The following ZFHX2 variants were observed in gnomAD, a reference collection of about 807,000 sequenced individuals.
ZFHX2 encodes the protein zinc finger homeobox protein 2.
ZFHX2 carries 75 observed loss-of-function variants against 164.8 expected under a neutral mutation model. The ratio of observed to expected loss-of-function variants is 0.46; its 90% confidence interval spans 0.38 to 0.55. ZFHX2 has a LOEUF of 0.55. Among genes scored for constraint, ZFHX2 ranks in the 20% least tolerant of loss-of-function variants. The pLI, the probability that ZFHX2 is intolerant of heterozygous loss-of-function variation, is 0.00. For missense variants in ZFHX2, 2,933 were observed against 3,308.0 expected, an observed-to-expected ratio of 0.89 and a Z score of 2.78; for synonymous variants, 1,217 against 1,351.4, an observed-to-expected ratio of 0.90 and a Z score of 2.18.
At chr14:23,550,791 AAACG>A (rs1325582953) in intron 1 of ZFHX2, among the ~76,000 whole-genome samples, 2 of 152,108 alleles carry the variant, frequency 1.3e-5, no homozygotes, top group Non-Finnish European at 2.9e-5. Flanking sequence ...CTTCAGCCAA[AAACG>A]AACGAAGACT....
chr14:23,521,864 A>G lies in ZFHX2; in HGVS notation c.*98T>C. 6.7e-7 allele frequency: 1 copy of G among 1,486,024 alleles called. No individual in the cohort carries two copies. Among genetic ancestry groups the G allele is most frequent in the South Asian group, 1.3e-5 (1 of 75,354 alleles). 92.1% of individuals were successfully genotyped at this position (1,486,024 alleles called of 1,614,324 possible). On this transcript the variant is annotated 3_prime_UTR_variant, in exon 10 of 10. Coordinates refer to ENST00000419474, the MANE Select transcript of ZFHX2 (RefSeq NM_033400.3). ...CAGTTCCTGTGAGGTGGGCGGGGCC[A>G]GGGGGTGGGGTGAGGGATTTGAGCT...
At chr14:23,538,591 T>A (rs1488435873) in intron 1 of ZFHX2, among the ~76,000 whole-genome samples, 3 of 151,938 alleles carry the variant, frequency 2.0e-5, no homozygotes, top group Non-Finnish European at 4.4e-5. Flanking sequence ...CTCAGACCCA[T>A]CGCCATTCTT....
Position 23,522,722 on chromosome 14 carries a change from G to T in ZFHX2, c.6959C>A (p.Thr2320Asn). ...CTTGAGGGCATCATTGGAGGAGCTGGTGGGGCCTGCAACTGGCTTTCGCTC... is the reference window on the plus strand; with the variant it reads ...CTTGAGGGCATCATTGGAGGAGCTGTTGGGGCCTGCAACTGGCTTTCGCTC... ...SSERKPVAGP[T>N]SSSNDALKNL... Residue 2320 changes from threonine to asparagine, a missense_variant, in exon 10 of 10, where the codon ACC (threonine) becomes AAC (asparagine). Thr to Asn is a moderately conservative substitution (Grantham distance 65, BLOSUM62 0). Transcript: ENST00000419474. 6.5e-7 allele frequency: 1 copy of T among 1,536,618 alleles called. No homozygotes were observed. The highest frequency in any genetic ancestry group is 8.7e-7 in the Non-Finnish European group (1 of 1,146,956).
At chr14:23,543,668 G>C (rs904103143) in intron 1 of ZFHX2, 47 of 152,384 alleles carry the variant, frequency 3.1e-4, no homozygotes, top group Non-Finnish European at 3.8e-4. Context: ...CGGGAGGGAG[G>C]GAGTGGGAAC....
Position 23,533,385 on chromosome 14 carries a change from C to T in ZFHX2, c.1941G>A (p.Leu647=). Residue 647 remains leucine (L), a synonymous_variant, in exon 2 of 10, where the codon TTG becomes TTA. Coordinates refer to ENST00000419474, the MANE Select transcript of ZFHX2 (RefSeq NM_033400.3). The surrounding 1 kb of genome is among the most constrained non-coding windows in gnomAD (Gnocchi z 4.8). ...PQALGQPQTP[L]AGPGLRPDKP... ...TGTCTGGCCTCAGCCCCGGGCCAGC[C>T]AAGGGAGTCTGAGGCTGCCCTAGGG... The T allele has an allele frequency of 6.8e-7, 1 of 1,470,266 alleles. No individual in the cohort carries two copies. The highest frequency in any genetic ancestry group is 9.0e-7 in the Non-Finnish European group (1 of 1,113,762). The allele number at this position is 1,470,266 out of a possible 1,614,324, so 91.1% of individuals were successfully genotyped here.
In ZFHX2 at chr14:23,526,599, G is replaced by A; in HGVS notation, c.3343C>T (p.Pro1115Ser). The change falls in exon 9 of 10, where the codon CCC (proline) becomes TCC (serine). Residue 1115 changes from proline (P) to serine (S), a missense_variant. By Grantham distance (74) the Pro-to-Ser change is moderately conservative (BLOSUM62 -1). Transcript: ENST00000419474. ...GGGGGTTGGCCAGGGCTTCCTGAGG[G>A]TTTGTCTGGGACCTCAACTGAGGCC... The part of the protein sequence containing the change: ...PLASVEVPDK[P>S]SGSPGQPPSP... 9 of 1,535,920 alleles carry A rather than the reference G, an allele frequency of 5.9e-6. No homozygotes were observed. The highest frequency in any genetic ancestry group is 7.8e-6 in the Non-Finnish European group (9 of 1,146,830).
In ZFHX2 at chr14:23,523,843, T is replaced by G. The variant is rs1878362524; in HGVS notation, c.6099A>C (p.Ser2033=). The G allele has an allele frequency of 6.5e-6, 10 of 1,536,070 alleles. No individual in the cohort carries two copies. In the South Asian group the frequency reaches 9.5e-5, roughly 15 times the overall value. ...CSLSAGDLSD[S]SASSLAEPES... ...CTGGTTCAGCTAGGCTGGAAGCAGA[T>G]GAATCACTCAGATCTCCTGCAGAGA... The change falls in exon 9 of 10, where the codon TCA becomes TCC. Residue 2033 remains serine, a synonymous_variant. Transcript: ENST00000419474. This position sits in a 1 kb window ranked among gnomAD's most constrained non-coding sequence, Gnocchi z 4.1.
At chr14:23,550,492 C>T (rs1375693349) in intron 1 of ZFHX2, among the ~76,000 whole-genome samples, 1 of 152,134 alleles carries the variant, frequency 6.6e-6, no homozygotes, top group East Asian at 1.9e-4. Flanking sequence ...TGGGAAGGGT[C>T]ACAAGTGGAG....
At position 23,522,971 on chromosome 14, in the gene ZFHX2, T is replaced by C. The variant is rs374126471; in HGVS notation, c.6740-30A>G. 1.0e-5 allele frequency: 15 copies of C among 1,432,990 alleles called. No homozygotes were observed. In the African/African-American group the frequency reaches 1.9e-4, roughly 18 times the overall value. The allele number at this position is 1,432,990 out of a possible 1,614,324, so 88.8% of individuals were successfully genotyped here. A position where few individuals can be genotyped will look rare whatever the true frequency, so the allele number is the denominator to read the frequency against. ...AAAGGTGAAAGGAAGGATGAAGGAT[T>C]AGCCATCTCCTGTCCCATCATTCTT... On this transcript the variant is annotated intron_variant, in intron 9 of 9. Coordinates refer to ENST00000419474, the MANE Select transcript of ZFHX2 (RefSeq NM_033400.3).
At position 23,523,881 on chromosome 14, in the gene ZFHX2, C is replaced by T. The variant is rs1409551282; in HGVS notation, c.6061G>A (p.Glu2021Lys). Reference sequence around the variant, plus strand: ...TCTCCTGCAGAGAGACTGCAAGCCTCACTCTCTGGAGAAGCTTTAGGTGGT... The same window carrying T: ...TCTCCTGCAGAGAGACTGCAAGCCTTACTCTCTGGAGAAGCTTTAGGTGGT... ...EEPPKASPESEACSLSAGDLS... is the reference protein window; with the variant it reads ...EEPPKASPESKACSLSAGDLS... The change falls in exon 9 of 10, where the codon GAG becomes AAG. Residue 2021 changes from glutamate to lysine, a missense_variant. Transcript: ENST00000419474. The surrounding 1 kb of genome is among the most constrained non-coding windows in gnomAD (Gnocchi z 4.1). The T allele has an allele frequency of 6.5e-7, 1 of 1,536,208 alleles. No individual in the cohort carries two copies. Among genetic ancestry groups the T allele is most frequent in the Non-Finnish European group, 8.7e-7 (1 of 1,146,914 alleles).
intron 1 of ZFHX2, among the ~76,000 whole-genome samples, chr14:23,540,019 G>A (rs764119338): frequency 4.6e-5 from 7 of 152,152 alleles, no homozygotes; most frequent in African/African-American, 1.7e-4. Context: ...ACAGGGTCTC[G>A]CTCGGTCTCC....
Position 23,533,244 on chromosome 14 carries a change from C to T in ZFHX2, c.2041+41G>A, listed in dbSNP as rs751519206. On this transcript the variant is annotated intron_variant, in intron 2 of 9. Coordinates refer to ENST00000419474, the MANE Select transcript of ZFHX2 (RefSeq NM_033400.3). The surrounding 1 kb of genome is among the most constrained non-coding windows in gnomAD (Gnocchi z 4.8). ...GGAGAAAGCACGGAATAGAGTTTGG[C>T]CCTGGGGAGGAGAGAAGAGGGAAGA... The T allele has an allele frequency of 1.4e-6, 2 of 1,434,292 alleles. No homozygotes were observed. Among genetic ancestry groups the T allele is most frequent in the African/African-American group, 1.4e-5 (1 of 69,430 alleles). The allele number at this position is 1,434,292 out of a possible 1,614,324, so 88.8% of individuals were successfully genotyped here. A position where few individuals can be genotyped will look rare whatever the true frequency, so the allele number is the denominator to read the frequency against.
Position 23,523,146 on chromosome 14 carries a change from A to T in ZFHX2, c.6739+57T>A. Reference sequence around the variant, plus strand: ...AGAATCAGGAAGGAAAAGGAAGGGCATGTCATTAGAGGGGGATGTTCTCTG... The same window carrying T: ...AGAATCAGGAAGGAAAAGGAAGGGCTTGTCATTAGAGGGGGATGTTCTCTG... On this transcript the variant is annotated intron_variant, in intron 9 of 9. Transcript: ENST00000419474. The surrounding 1 kb of genome is among the most constrained non-coding windows in gnomAD (Gnocchi z 4.1). 2 of 1,405,168 alleles carry T rather than the reference A, an allele frequency of 1.4e-6. No homozygotes were observed. The highest frequency in any genetic ancestry group is 1.8e-6 in the Non-Finnish European group (2 of 1,085,086). The allele number at this position is 1,405,168 out of a possible 1,614,324, so 87.0% of individuals were successfully genotyped here.
chr14:23,532,455 T>C, intron 3 of ZFHX2, 112 bp downstream of exon 3: 2 of 1,320,048 alleles, frequency 1.5e-6, no homozygotes, highest in South Asian at 1.8e-5. Flanking sequence ...CATACTTTCC[T>C]TTTTCTCCAT....
chr14:23,536,750 G>A (rs903364467), intron 1 of ZFHX2, among the ~76,000 whole-genome samples: 1 of 152,198 alleles, frequency 6.6e-6, no homozygotes, highest in African/African-American at 2.4e-5. Flanking sequence ...ATGAGGCACT[G>A]AGTAAACCCC....
rs938049989 is a variant in ZFHX2 at position 23,522,282 on chromosome 14, T to C, written c.7399A>G (p.Thr2467Ala). 19 of 1,499,766 alleles carry C rather than the reference T, an allele frequency of 1.3e-5. No homozygotes were observed. In the East Asian group the frequency reaches 4.4e-4, roughly 35 times the overall value. The allele number at this position is 1,499,766 out of a possible 1,614,324, so 92.9% of individuals were successfully genotyped here. Residue 2467 changes from threonine (T) to alanine (A), a missense_variant, in exon 10 of 10, where the codon ACT becomes GCT. Transcript: ENST00000419474. Reference protein sequence around the residue: ...KMAFDGEAPATAHQRSFCFFG... With the variant: ...KMAFDGEAPAAAHQRSFCFFG... ...AAGCAGAAGGATCTCTGGTGGGCAGTAGCCGGGGCCTCCCCGTCAAATGCC... is the reference window on the plus strand; with the variant it reads ...AAGCAGAAGGATCTCTGGTGGGCAGCAGCCGGGGCCTCCCCGTCAAATGCC...
intron 1 of ZFHX2, among the ~76,000 whole-genome samples, chr14:23,536,941 T>C (rs553036224): frequency 6.9e-4 from 72 of 104,296 alleles, no homozygotes; most frequent in African/African-American, 2.5e-3. Context: ...AGTTTGAGAC[T>C]AGCCTGGCCA....
At chr14:23,550,792 A>G (rs965941860) in intron 1 of ZFHX2, among the ~76,000 whole-genome samples, 5 of 152,038 alleles carry the variant, frequency 3.3e-5, no homozygotes, top group Non-Finnish European at 5.9e-5. Context: ...TTCAGCCAAA[A>G]ACGAACGAAG....
upstream of ZFHX2, among the ~76,000 whole-genome samples, chr14:23,554,621 C>G (rs144863609): frequency 2.2e-3 from 338 of 150,920 alleles, 2 homozygotes; most frequent in Middle Eastern, 6.8e-3. Context: ...CTCCTGGCCT[C>G]AAATGATCCT....
Sources: gnomAD v4.1 joint callset for allele counts (sites outside exome capture counted in the v4.1 genomes callset) on GRCh38, gnomAD v4.1.1 for gene constraint, Gnocchi (gnomAD v3.1) non-coding constraint, MANE v1.5 for transcripts, NCBI Gene and HGNC (gene_info 2026-07-23, HGNC 2026-07-21) for gene names.